The following SLC11A2 variants were observed in gnomAD, a reference collection of about 807,000 sequenced individuals.
The protein encoded by SLC11A2 is natural resistance-associated macrophage protein 2.
In SLC11A2, 38 loss-of-function variants were observed where a neutral mutation model predicts 68.0. The observed-to-expected ratio is 0.56, with a 90% CI of 0.43 to 0.73. The LOEUF (loss-of-function observed/expected upper bound fraction) is 0.73. Among genes scored for constraint, SLC11A2 ranks in the 30% least tolerant of loss-of-function variants. The pLI, the probability that SLC11A2 is intolerant of heterozygous loss-of-function variation, is 0.00. For synonymous variants in SLC11A2, 242 were observed against 250.6 expected, an observed-to-expected ratio of 0.97 and a Z score of 0.32; for missense variants, 517 against 690.5, an observed-to-expected ratio of 0.75 and a Z score of 2.82.
chr12:50,970,597 C>A, the SLC11A2 span: 1 of 741,158 alleles, frequency 1.3e-6, no homozygotes, highest in South Asian at 1.6e-5. Context: ...AATTTTACTA[C>A]ACAAGTGTCA....
the SLC11A2 span, among the ~76,000 whole-genome samples, chr12:50,972,810 G>A: frequency 0.16 from 23,796 of 152,178 alleles, 2,026 homozygotes; most frequent in South Asian, 0.27. Context: ...GCACTTTTCC[G>A]ACAGTCTTAG....
chr12:51,010,099 C>T (rs1943078624), intron 2 of SLC11A2, among the ~76,000 whole-genome samples: 1 of 151,612 alleles, frequency 6.6e-6, no homozygotes, highest in South Asian at 2.1e-4. Context: ...CAGGAGAATC[C>T]ATTGAACCGG....
chr12:51,022,566 A>G (rs1944121028), intron 1 of SLC11A2, among the ~76,000 whole-genome samples: 1 of 151,936 alleles, frequency 6.6e-6, no homozygotes, highest in South Asian at 2.1e-4. Context: ...ATTAGATTAC[A>G]TTCAACCCAT....
At chr12:51,023,718 A>C (rs986305236) in intron 1 of SLC11A2, among the ~76,000 whole-genome samples, 5 of 152,194 alleles carry the variant, frequency 3.3e-5, no homozygotes, top group Non-Finnish European at 4.4e-5. Flanking sequence ...CACTCTTACC[A>C]GGCCAACTTC....
the SLC11A2 span, among the ~76,000 whole-genome samples, chr12:50,970,712 C>A: frequency 2.6e-5 from 4 of 152,214 alleles, no homozygotes; most frequent in South Asian, 6.2e-4. Flanking sequence ...GTGTTAATGT[C>A]TTTCAGAACC....
chr12:50,978,405 C>T (rs772730482), downstream of SLC11A2, among the ~76,000 whole-genome samples: 2 of 148,204 alleles, frequency 1.3e-5, no homozygotes, highest in Non-Finnish European at 1.5e-5. Context: ...AAAAACCAAA[C>T]GTCGCATGTT....
chr12:51,005,676 T>C (rs1942658050), intron 3 of SLC11A2: 2 of 1,340,366 alleles, frequency 1.5e-6, no homozygotes, highest in Non-Finnish European at 2.0e-6. Context: ...CAGCCTCTTA[T>C]TCTAAAACCA....
At position 50,988,383 on chromosome 12, in the gene SLC11A2, G is replaced by T. The variant is rs369530092; in HGVS notation, c.1628C>A (p.Thr543Lys). ...LGMSFLDCGHTVSISKGLLTE... is the reference protein window; with the variant it reads ...LGMSFLDCGHKVSISKGLLTE... Reference sequence around the variant, plus strand: ...CAGCAGGCCTTTAGAGATGCTTACCGTATGCCCACAGTCCAGGAAGGACAT... The same window carrying T: ...CAGCAGGCCTTTAGAGATGCTTACCTTATGCCCACAGTCCAGGAAGGACAT... The change falls in exon 16 of 16, where the codon ACG becomes AAG. Residue 543 changes from threonine to lysine, a missense_variant. Thr to Lys is a moderately conservative substitution (Grantham distance 78). Transcript: ENST00000262052. The T allele has an allele frequency of 3.3e-5, 53 of 1,613,886 alleles. No homozygotes were observed. Among genetic ancestry groups the T allele is most frequent in the Non-Finnish European group, 4.2e-5 (50 of 1,179,922 alleles).
chr12:50,958,940 C>A, the SLC11A2 span, among the ~76,000 whole-genome samples: 1 of 151,286 alleles, frequency 6.6e-6, no homozygotes, highest in Admixed American at 6.6e-5. Context: ...TCACTTAAAC[C>A]CGGGAGGCAG....
At chr12:50,994,778 A>T in intron 10 of SLC11A2, 148 bp from the exon 11 acceptor site, 1 of 669,154 alleles carries the variant, frequency 1.5e-6, no homozygotes, top group Non-Finnish European at 2.7e-6. Context: ...AGAGACTAGC[A>T]GCAATGTTAT....
the SLC11A2 span, among the ~76,000 whole-genome samples, chr12:50,968,701 C>T: frequency 1.3e-5 from 2 of 152,062 alleles, no homozygotes; most frequent in Non-Finnish European, 2.9e-5. Flanking sequence ...GTCACCACAC[C>T]TGGCTAATTT....
the SLC11A2 span, among the ~76,000 whole-genome samples, chr12:50,961,791 G>C: frequency 6.6e-6 from 1 of 152,192 alleles, no homozygotes; most frequent in Non-Finnish European, 1.5e-5. Flanking sequence ...ATGACGTGCA[G>C]AGTGGAGTCA....
chr12:51,003,642 G>A (rs144545038), intron 5 of SLC11A2, among the ~76,000 whole-genome samples: 1 of 146,310 alleles, frequency 6.8e-6, no homozygotes, highest in African/African-American at 2.5e-5. Context: ...AGAAAGAGAA[G>A]CTAGGCTTGG....
chr12:51,023,071 G>C (rs1944152015), intron 1 of SLC11A2, among the ~76,000 whole-genome samples: 1 of 152,172 alleles, frequency 6.6e-6, no homozygotes. Flanking sequence ...TATTCCTGAT[G>C]ATGCCTTGAA....
upstream of SLC11A2, chr12:51,028,200 TC>T (rs1442647742): frequency 9.8e-6 from 15 of 1,535,458 alleles, no homozygotes; most frequent in Non-Finnish European, 1.2e-5. Flanking sequence ...TGGAGCTGCC[TC>T]CGTCTTCAGC....
At chr12:50,977,175 C>A (rs1191128848), downstream of SLC11A2, among the ~76,000 whole-genome samples, 2 of 152,164 alleles carry the variant, frequency 1.3e-5, no homozygotes, top group African/African-American at 4.8e-5. Context: ...CAAAAAAGAG[C>A]CTGCATTGCC....
Position 50,999,191 on chromosome 12 carries a change from G to A in SLC11A2, c.658C>T (p.Leu220Phe). 1 of 1,613,350 alleles carries A rather than the reference G, an allele frequency of 6.2e-7. No homozygotes were observed. Among genetic ancestry groups the A allele is most frequent in the Non-Finnish European group, 8.5e-7 (1 of 1,179,574 alleles). The change falls in exon 8 of 16, where the codon CTC becomes TTC. Residue 220 changes from leucine to phenylalanine, a missense_variant. Physicochemically the swap from Leu to Phe is conservative, Grantham distance 22. Coordinates refer to ENST00000262052, the MANE Select transcript of SLC11A2 (RefSeq NM_000617.3). ...FFGFLITIMA[L>F]TFGYEYVTVK... ...CCACTTGCCTCATATCCAAATGTGA[G>A]GGCCATAATAGTGATGAGAAAGCCA...
chr12:50,968,976 A>G, the SLC11A2 span, among the ~76,000 whole-genome samples: 19 of 151,996 alleles, frequency 1.3e-4, no homozygotes, highest in Non-Finnish European at 2.4e-4. Flanking sequence ...CCCACCACGC[A>G]CCGCATTTAT....
chr12:50,975,407 A>G (rs1402075191), downstream of SLC11A2, among the ~76,000 whole-genome samples: 2 of 152,236 alleles, frequency 1.3e-5, no homozygotes, highest in African/African-American at 4.8e-5. Context: ...ACATAATGAA[A>G]TGAAGGCAGA....
Sources: gnomAD v4.1 joint callset for allele counts (sites outside exome capture counted in the v4.1 genomes callset) on GRCh38, gnomAD v4.1.1 for gene constraint, MANE v1.5 for transcripts, NCBI Gene and HGNC (gene_info 2026-07-23, HGNC 2026-07-21) for gene names.